The following POFUT1 variants were observed in gnomAD, a reference collection of about 807,000 sequenced individuals.
POFUT1 encodes the protein GDP-fucose protein O-fucosyltransferase 1.
A neutral mutation model predicts 42.4 loss-of-function variants in POFUT1; 16 were observed. The ratio of observed to expected loss-of-function variants is 0.38; its 90% CI spans 0.26 to 0.57. The LOEUF is 0.57. Ranked by LOEUF, POFUT1 falls within the 20% of genes least tolerant of loss-of-function variation. POFUT1 has a pLI of 0.71. For synonymous variants in POFUT1, 206 were observed against 205.4 expected, an observed-to-expected ratio of 1.00 and a Z score of -0.03; for missense variants, 470 against 504.6, an observed-to-expected ratio of 0.93 and a Z score of 0.66.
rs1417511765 is a variant in POFUT1 at position 32,237,653 on chromosome 20, T to G, written c.*2992T>G. 3 of 358,086 alleles carry G rather than the reference T, an allele frequency of 8.4e-6. No homozygotes were observed. The highest frequency in any genetic ancestry group is 1.8e-5 in the Non-Finnish European group (3 of 169,152). 22.2% of individuals were successfully genotyped at this position (358,086 alleles called of 1,614,324 possible). On this transcript the variant is annotated 3_prime_UTR_variant, in exon 7 of 7. Transcript: ENST00000375749. ...TTTAGTTGGAGAGATACAGGAAGCC[T>G]CCTAGGGTTCTGAGCAGAAGAGGGG... is the stretch of plus-strand genomic sequence containing the variant.
At chr20:32,216,580 G>T in intron 3 of POFUT1, 29 bp from the exon 4 acceptor site, 1 of 1,438,244 alleles carries the variant, frequency 7.0e-7, no homozygotes, top group Non-Finnish European at 9.8e-7. Flanking sequence ...CTCCCCATCA[G>T]TAAGCCTTCC....
In POFUT1 at chr20:32,230,823, A is replaced by G. The variant is rs1272864490; in HGVS notation, c.740A>G (p.Asn247Ser). 1.9e-6 allele frequency: 3 copies of G among 1,613,264 alleles called. No homozygotes were observed. The highest frequency in any genetic ancestry group is 2.7e-5 in the African/African-American group (2 of 74,944). Residue 247 changes from asparagine to serine, a missense_variant, in exon 6 of 7, where the codon AAC becomes AGC. Asn to Ser is a conservative substitution (Grantham distance 46, BLOSUM62 1). Coordinates refer to ENST00000375749, the MANE Select transcript of POFUT1 (RefSeq NM_015352.2). ...IHLRIGSDWK[N>S]ACAMLKDGTA... ...CCTGTTCCCCGCTCTCCGTAGAAGAACGCCTGTGCCATGCTGAAGGACGGG... is the reference window on the plus strand; with the variant it reads ...CCTGTTCCCCGCTCTCCGTAGAAGAGCGCCTGTGCCATGCTGAAGGACGGG...
Position 32,216,730 on chromosome 20 carries a change from A to C in POFUT1, c.542+9A>C. On this transcript the variant is annotated intron_variant, in intron 4 of 6. Transcript: ENST00000375749. Reference sequence around the variant, plus strand: ...GAACAATGGAGCCAGAGGTACTTGGAGGGGGTAGCGTTTCTGGGTTTAGGG... The same window carrying C: ...GAACAATGGAGCCAGAGGTACTTGGCGGGGGTAGCGTTTCTGGGTTTAGGG... 1 of 1,582,882 alleles carries C rather than the reference A, an allele frequency of 6.3e-7. No homozygotes were observed. The highest frequency in any genetic ancestry group is 8.7e-7 in the Non-Finnish European group (1 of 1,151,654).
intron 4 of POFUT1, chr20:32,217,276 A>G (rs2047367051): frequency 1.0e-5 from 14 of 1,375,240 alleles, no homozygotes; most frequent in Non-Finnish European, 1.2e-5. Context: ...GAGGATGACC[A>G]GCTCTGGTTT....
chr20:32,213,954 G>C (rs955013608), intron 2 of POFUT1, among the ~76,000 whole-genome samples: 7 of 152,046 alleles, frequency 4.6e-5, no homozygotes, highest in Non-Finnish European at 7.4e-5. Context: ...GGCTAACCCT[G>C]TTCCCTTAAC....
At chr20:32,215,516 G>C in intron 3 of POFUT1, 65 bp downstream of exon 3, 2 of 1,354,618 alleles carry the variant, frequency 1.5e-6, no homozygotes, top group South Asian at 2.8e-5. Flanking sequence ...CCAAGACTAT[G>C]TCATGGCAAA....
At chr20:32,230,462 A>G (rs2122600139) in intron 5 of POFUT1, among the ~76,000 whole-genome samples, 1 of 151,502 alleles carries the variant, frequency 6.6e-6, no homozygotes, top group Admixed American at 6.6e-5. Context: ...TGGGAGGCCA[A>G]GGTGGGTGGG....
At position 32,207,938 on chromosome 20, in the gene POFUT1, C is replaced by G; in HGVS notation, c.-4C>G. ...CCGCGGCTGGCTCGGGTTCCCGGGC[C>G]GACATGGGCGCCGCCGCGTGGGCAC... On this transcript the variant is annotated 5_prime_UTR_variant, in exon 1 of 7. Coordinates refer to ENST00000375749, the MANE Select transcript of POFUT1 (RefSeq NM_015352.2). 6.3e-7 allele frequency: 1 copy of G among 1,584,064 alleles called. No homozygotes were observed. The highest frequency in any genetic ancestry group is 8.5e-7 in the Non-Finnish European group (1 of 1,173,652).
intron 1 of POFUT1, among the ~76,000 whole-genome samples, chr20:32,209,480 A>C (rs930563311): frequency 1.3e-5 from 2 of 152,210 alleles, no homozygotes; most frequent in Non-Finnish European, 2.9e-5. Context: ...AGTCTGGCAC[A>C]TTGTGGCCTC....
chr20:32,217,670 C>T (rs2047369561), intron 4 of POFUT1: 1 of 985,588 alleles, frequency 1.0e-6, no homozygotes, highest in Non-Finnish European at 1.2e-6. Flanking sequence ...TGGTATCTGC[C>T]TCGTAGTGCA....
chr20:32,213,638 G>A (rs1489283802), intron 2 of POFUT1, among the ~76,000 whole-genome samples: 1 of 151,912 alleles, frequency 6.6e-6, no homozygotes, highest in African/African-American at 2.4e-5. Context: ...CGGCGTGGTG[G>A]TGCGTGCCTG....
At position 32,234,897 on chromosome 20, in the gene POFUT1, T is replaced by C; in HGVS notation, c.*236T>C. On this transcript the variant is annotated 3_prime_UTR_variant, in exon 7 of 7. Coordinates refer to ENST00000375749, the MANE Select transcript of POFUT1 (RefSeq NM_015352.2). ...CTCCCATCGCACGTGCTTTCTGCTC[T>C]TCTGGGAATTTCTCACACTGGCAAA... The C allele has an allele frequency of 2.3e-6, 1 of 433,928 alleles. No individual in the cohort carries two copies. Among genetic ancestry groups the C allele is most frequent in the South Asian group, 4.2e-5 (1 of 23,662 alleles). The allele number at this position is 433,928 out of a possible 1,614,324, so 26.9% of individuals were successfully genotyped here. A position where few individuals can be genotyped will look rare whatever the true frequency, so the allele number is the denominator to read the frequency against.
chr20:32,228,548 G>A (rs543876495), intron 5 of POFUT1, 93 bp downstream of exon 5: 1 of 1,051,328 alleles, frequency 9.5e-7, no homozygotes, highest in African/African-American at 1.6e-5. Context: ...CCCAGCCAGA[G>A]CAGAGATCTC....
rs543805422 is a variant in POFUT1, at chr20:32,236,069, G to A, written c.*1408G>A. On this transcript the variant is annotated 3_prime_UTR_variant, in exon 7 of 7. Coordinates refer to ENST00000375749, the MANE Select transcript of POFUT1 (RefSeq NM_015352.2). ...CACCCAACTCTAAGCAGGAGAAACT[G>A]TACAGAAAGGGCTTTGCTATTTTTC... The A allele has an allele frequency of 6.6e-6, 1 of 152,402 alleles. No individual in the cohort carries two copies. Among genetic ancestry groups the A allele is most frequent in the East Asian group, 1.9e-4 (1 of 5,186 alleles). 9.4% of individuals were successfully genotyped at this position (152,402 alleles called of 1,614,324 possible).
chr20:32,223,994 G>T (rs1489830372), intron 4 of POFUT1, among the ~76,000 whole-genome samples: 1 of 152,178 alleles, frequency 6.6e-6, no homozygotes, highest in Non-Finnish European at 1.5e-5. Context: ...CCCTTACAGA[G>T]CTCTTGTGAA....
intron 4 of POFUT1, among the ~76,000 whole-genome samples, 184 bp from the exon 5 acceptor site, chr20:32,228,079 C>T (rs530467726): frequency 6.6e-5 from 10 of 152,168 alleles, no homozygotes; most frequent in Non-Finnish European, 1.3e-4. Flanking sequence ...GTGCCTGTTG[C>T]CGCCGCCACC....
In POFUT1 at chr20:32,218,608, A is replaced by G. The variant is rs552301788; in HGVS notation, c.542+1887A>G. 7.2e-5 allele frequency among the ~76,000 whole-genome samples: 11 copies of G among 152,236 alleles called. No individual in the cohort carries two copies. The South Asian group carries it at 2.3e-3, about 32-fold the overall frequency. ...TTCCTCATTGTTGATCCCAGATAGC[A>G]CACTCCCATTCTCTGCCTGCATGGT... On this transcript the variant is annotated intron_variant, in intron 4 of 6. Transcript: ENST00000375749.
At chr20:32,227,309 G>T (rs1259118078) in intron 4 of POFUT1, among the ~76,000 whole-genome samples, 1 of 152,150 alleles carries the variant, frequency 6.6e-6, no homozygotes, top group East Asian at 1.9e-4. Flanking sequence ...TTGAGTCCAG[G>T]AGTTCGAGAC....
intron 4 of POFUT1, among the ~76,000 whole-genome samples, chr20:32,220,375 C>T (rs898026574): frequency 6.6e-6 from 1 of 152,146 alleles, no homozygotes. Context: ...AAGTAATTAT[C>T]CTGCCTTGGC....
Sources: allele counts gnomAD v4.1 joint callset (sites outside exome capture counted in the v4.1 genomes callset), GRCh38; gene constraint gnomAD v4.1.1; transcripts MANE v1.5; gene names NCBI Gene and HGNC (gene_info 2026-07-23, HGNC 2026-07-21).